CSGALNACT1: variants seen among roughly 807,000 people sequenced by gnomAD.
CSGALNACT1 encodes the protein chondroitin sulfate N-acetylgalactosaminyltransferase 1, also known as beta4GalNAcT-1.
CSGALNACT1 carries 52 observed loss-of-function variants against 51.0 expected under a neutral mutation model. The ratio of observed to expected loss-of-function variants is 1.02; its 90% CI spans 0.82 to 1.29. The LOEUF (loss-of-function observed/expected upper bound fraction) is 1.29. Ranked by LOEUF, CSGALNACT1 falls within the 50% of genes most tolerant of loss-of-function variation. The probability of loss-of-function intolerance (pLI) is 0.00; values close to 1 mark genes in which losing one functional copy is unlikely to be tolerated. For synonymous variants in CSGALNACT1, 341 were observed against 254.4 expected (o/e 1.34, Z -3.24); for missense variants, 935 against 679.2 (o/e 1.38, Z -4.19).
intron 4 of CSGALNACT1, 115 bp from the exon 4 acceptor site, chr8:19,458,757 T>C (rs2064703838): frequency 1.0e-6 from 1 of 978,458 alleles, no homozygotes; most frequent in East Asian, 2.4e-5. Context: ...ATGAAATCTC[T>C]CCAACAATTA....
chr8:19,605,978 C>T (rs954349746), upstream of CSGALNACT1, among the ~76,000 whole-genome samples: 1 of 152,182 alleles, frequency 6.6e-6, no homozygotes, highest in Non-Finnish European at 1.5e-5. Context: ...TTCAAAAACA[C>T]AATGGACCCA....
chr8:19,622,510 G>C (rs2053944680), intron 1 of CSGALNACT1, among the ~76,000 whole-genome samples: 1 of 152,198 alleles, frequency 6.6e-6, no homozygotes, highest in Non-Finnish European at 1.5e-5. Context: ...AAATATTCAA[G>C]ATTCATCACT....
At chr8:19,685,500 A>G (rs2060920977), upstream of CSGALNACT1, among the ~76,000 whole-genome samples, 1 of 152,148 alleles carries the variant, frequency 6.6e-6, no homozygotes, top group Non-Finnish European at 1.5e-5. Flanking sequence ...ACAAAACAAG[A>G]AACAAAGAAA....
intron 1 of CSGALNACT1, among the ~76,000 whole-genome samples, chr8:19,707,297 C>A (rs1177361573): frequency 2.6e-5 from 4 of 152,200 alleles, no homozygotes; most frequent in Non-Finnish European, 5.9e-5. Context: ...CAAATTACAA[C>A]TTTTAAATCT....
chr8:19,513,215 T>G (rs1490087829), intron 3 of CSGALNACT1, among the ~76,000 whole-genome samples: 1 of 151,784 alleles, frequency 6.6e-6, no homozygotes, highest in Non-Finnish European at 1.5e-5. Context: ...CACTGAATAT[T>G]AGAGGTGGGT....
chr8:19,738,119 C>G (rs183646860), intron 1 of CSGALNACT1, among the ~76,000 whole-genome samples: 5 of 152,222 alleles, frequency 3.3e-5, no homozygotes, highest in Non-Finnish European at 7.4e-5. Flanking sequence ...CTCAGCTACT[C>G]GAGAGGCTGA....
At chr8:19,545,804 T>TATATATATTAATATATGTATAC (rs1167484623) in intron 3 of CSGALNACT1, among the ~76,000 whole-genome samples, 1 of 148,452 alleles carries the variant, frequency 6.7e-6, no homozygotes, top group East Asian at 1.9e-4. Context: ...ATTATATATC[T>TATATATATTAATATATGTATAC]ATATATATTA....
At chr8:19,484,179 C>T (rs2072252407) in intron 4 of CSGALNACT1, among the ~76,000 whole-genome samples, 1 of 113,840 alleles carries the variant, frequency 8.8e-6, no homozygotes, top group Middle Eastern at 5.2e-3. Context: ...CCCCTAAGCA[C>T]AAGGGGAGTG....
At chr8:19,462,651 G>T (rs1293323692) in intron 4 of CSGALNACT1, among the ~76,000 whole-genome samples, 1 of 152,110 alleles carries the variant, frequency 6.6e-6, no homozygotes, top group African/African-American at 2.4e-5. Flanking sequence ...CAGCACCCAG[G>T]CTCACCCCAC....
At chr8:19,703,415 T>A (rs2061987033) in intron 1 of CSGALNACT1, among the ~76,000 whole-genome samples, 1 of 152,220 alleles carries the variant, frequency 6.6e-6, no homozygotes, top group Admixed American at 6.5e-5. Context: ...GCCATTCTCC[T>A]GCCTCAGCCT....
chr8:19,750,406 T>C (rs1353612039), intron 1 of CSGALNACT1, among the ~76,000 whole-genome samples: 2 of 152,084 alleles, frequency 1.3e-5, no homozygotes, highest in African/African-American at 4.8e-5. Flanking sequence ...ACCACCACTC[T>C]GTCAGTAGGG....
At chr8:19,521,673 C>G (rs906836200) in intron 3 of CSGALNACT1, among the ~76,000 whole-genome samples, 9 of 152,236 alleles carry the variant, frequency 5.9e-5, no homozygotes, top group South Asian at 2.1e-4. Context: ...AAAATAAAAA[C>G]AAGAAGAAGA....
intron 1 of CSGALNACT1, among the ~76,000 whole-genome samples, chr8:19,748,634 T>A (rs1006333478): frequency 9.2e-5 from 14 of 152,118 alleles, no homozygotes; most frequent in African/African-American, 2.4e-4. Context: ...AAAATAAGCA[T>A]GATTATTCCA....
At chr8:19,554,123 G>A (rs1442007334) in intron 3 of CSGALNACT1, among the ~76,000 whole-genome samples, 2 of 152,078 alleles carry the variant, frequency 1.3e-5, no homozygotes, top group Non-Finnish European at 2.9e-5. Context: ...AAAGCCCACA[G>A]CTGAACATAA....
At chr8:19,527,133 T>G (rs1021891715) in intron 3 of CSGALNACT1, among the ~76,000 whole-genome samples, 1 of 152,132 alleles carries the variant, frequency 6.6e-6, no homozygotes, top group Non-Finnish European at 1.5e-5. Context: ...ACACTGGCAG[T>G]AACAGATCCA....
intron 2 of CSGALNACT1, among the ~76,000 whole-genome samples, chr8:19,598,737 G>C (rs1013699715): frequency 2.1e-4 from 32 of 152,294 alleles, no homozygotes; most frequent in African/African-American, 7.2e-4. Context: ...TCTGCGCCCT[G>C]CTCAGGGGTG....
At chr8:19,470,185 T>G (rs756101067) in intron 4 of CSGALNACT1, among the ~76,000 whole-genome samples, 11 of 152,186 alleles carry the variant, frequency 7.2e-5, no homozygotes, top group Non-Finnish European at 1.6e-4. Context: ...GGTTACCTAG[T>G]TCCCACAATG....
chr8:19,740,869 A>G (rs1400553077), intron 1 of CSGALNACT1, among the ~76,000 whole-genome samples: 1 of 152,226 alleles, frequency 6.6e-6, no homozygotes, highest in Non-Finnish European at 1.5e-5. Flanking sequence ...CTTTATTATC[A>G]TAAGTTAAAA....
chr8:19,682,346 G>A (rs539560818), intron 1 of CSGALNACT1: 93 of 298,006 alleles, frequency 3.1e-4, no homozygotes, highest in African/African-American at 1.9e-3. Context: ...TAATGAGTTG[G>A]CAAGCTCACT....
Sources: gnomAD v4.1 joint callset for allele counts (sites outside exome capture counted in the v4.1 genomes callset) on GRCh38, gnomAD v4.1.1 for gene constraint, MANE v1.5 for transcripts, NCBI Gene and HGNC (gene_info 2026-07-23, HGNC 2026-07-21) for gene names.